TCF20: variants seen among roughly 807,000 people sequenced by gnomAD.
TCF20 encodes SPRE-binding protein.
TCF20 carries 3 observed loss-of-function variants against 148.6 expected under a neutral mutation model. The ratio of observed to expected loss-of-function variants is 0.02; its 90% CI spans 0.01 to 0.05. The LOEUF (loss-of-function observed/expected upper bound fraction) is 0.05. Ranked by LOEUF, TCF20 falls within the 10% of genes least tolerant of loss-of-function variation. The pLI is 1.00. For synonymous variants in TCF20, 1,049 were observed against 909.5 expected (o/e 1.15, Z -2.76); for missense variants, 2,350 against 2,429.3 (o/e 0.97, Z 0.69).
chr22:42,216,207 G>A (rs897828059), intron 1 of TCF20, among the ~76,000 whole-genome samples: 3 of 143,868 alleles, frequency 2.1e-5, no homozygotes, highest in Admixed American at 7.4e-5. Context: ...CTCCTGCCTC[G>A]GCCTCTCAAA....
chr22:42,234,877 C>T (rs1009791144), intron 1 of TCF20, among the ~76,000 whole-genome samples: 10 of 152,206 alleles, frequency 6.6e-5, no homozygotes, highest in Middle Eastern at 3.4e-3. Context: ...CAGTGGCTCA[C>T]GCCTGTAAAT....
intron 5 of TCF20, among the ~76,000 whole-genome samples, chr22:42,165,359 A>G (rs9611746): frequency 0.19 from 28,335 of 152,238 alleles, 3,065 homozygotes; most frequent in East Asian, 0.46. Flanking sequence ...GCCCTGATCA[A>G]GGTTATGCTT....
chr22:42,178,735 A>G (rs953097597), intron 3 of TCF20, among the ~76,000 whole-genome samples: 1 of 151,774 alleles, frequency 6.6e-6, no homozygotes, highest in African/African-American at 2.4e-5. Flanking sequence ...GGTGCGCGTC[A>G]CATCTGGCTA....
chr22:42,307,916 G>C (rs1008580612), intron 1 of TCF20, among the ~76,000 whole-genome samples: 1 of 152,212 alleles, frequency 6.6e-6, no homozygotes, highest in South Asian at 2.1e-4. Context: ...GAACTTCGAG[G>C]CACTGCTATC....
chr22:42,257,192 C>A (rs993497558), intron 1 of TCF20, among the ~76,000 whole-genome samples: 1 of 152,162 alleles, frequency 6.6e-6, no homozygotes, highest in Non-Finnish European at 1.5e-5. Context: ...AGGAGAAATA[C>A]CCAGCATTCC....
rs369312956 is a variant in TCF20 at position 42,214,050 on chromosome 22, C to G, written c.1256G>C (p.Ser419Thr). ...NRILQLMPQL[S>T]PTPSMMPSPN... ...ACTGGGCATCATTGATGGGGTTGGACTGAGTTGAGGCATTAACTGTAAAAT... is the reference window on the plus strand; with the variant it reads ...ACTGGGCATCATTGATGGGGTTGGAGTGAGTTGAGGCATTAACTGTAAAAT... The change falls in exon 2 of 6, where the codon AGT (serine) becomes ACT (threonine). Residue 419 changes from serine (S) to threonine (T), a missense_variant. Physicochemically the swap from Ser to Thr is moderately conservative, Grantham distance 58 (BLOSUM62 1). Transcript: ENST00000677622. The G allele has an allele frequency of 6.2e-7, 1 of 1,614,050 alleles. No homozygotes were observed. The highest frequency in any genetic ancestry group is 8.5e-7 in the Non-Finnish European group (1 of 1,180,040).
intron 3 of TCF20, among the ~76,000 whole-genome samples, chr22:42,176,523 T>A (rs905728222): frequency 6.6e-6 from 1 of 152,144 alleles, no homozygotes; most frequent in Non-Finnish European, 1.5e-5. Context: ...CCGCCTCCTA[T>A]GGACAGCGTG....
chr22:42,225,331 T>C (rs1922776593), intron 1 of TCF20, among the ~76,000 whole-genome samples: 1 of 151,794 alleles, frequency 6.6e-6, no homozygotes, highest in African/African-American at 2.4e-5. Flanking sequence ...TTACAACCCT[T>C]AGGCCGGGCG....
intron 1 of TCF20, among the ~76,000 whole-genome samples, chr22:42,257,369 A>G (rs530925006): frequency 1.2e-4 from 19 of 152,374 alleles, no homozygotes; most frequent in African/African-American, 4.3e-4. Flanking sequence ...CAACAAATCC[A>G]AATTCAACAT....
chr22:42,230,074 G>A (rs532853700), intron 1 of TCF20, among the ~76,000 whole-genome samples: 2 of 152,274 alleles, frequency 1.3e-5, no homozygotes, highest in Middle Eastern at 6.8e-3. Context: ...AACCTTCACT[G>A]GCTCCCAATT....
At chr22:42,320,254 C>T (rs2147049075) in intron 1 of TCF20, among the ~76,000 whole-genome samples, 1 of 152,322 alleles carries the variant, frequency 6.6e-6, no homozygotes, top group South Asian at 2.1e-4. Context: ...CTAAAATGCC[C>T]TTCCCAGAGA....
intron 2 of TCF20, among the ~76,000 whole-genome samples, chr22:42,207,132 A>G (rs1022722656): frequency 6.6e-6 from 1 of 152,188 alleles, no homozygotes; most frequent in Non-Finnish European, 1.5e-5. Flanking sequence ...GCATTAGCCC[A>G]AAGTTTCTAA....
At chr22:42,273,133 G>T (rs1926682542), upstream of TCF20, among the ~76,000 whole-genome samples, 1 of 151,796 alleles carries the variant, frequency 6.6e-6, no homozygotes, top group Non-Finnish European at 1.5e-5. Flanking sequence ...GCCAAGGGGG[G>T]TGTATCACCT....
chr22:42,189,156 A>G (rs1937201268), intron 2 of TCF20, among the ~76,000 whole-genome samples: 1 of 152,186 alleles, frequency 6.6e-6, no homozygotes. Flanking sequence ...TAGGGATGAT[A>G]TGGAAGAGTT....
chr22:42,198,629 G>C (rs888135679), intron 2 of TCF20, among the ~76,000 whole-genome samples: 19 of 150,724 alleles, frequency 1.3e-4, no homozygotes, highest in African/African-American at 4.2e-4. Context: ...GAAGAAAAAA[G>C]TCTGTATATA....
chr22:42,261,648 T>C (rs1926034131), intron 1 of TCF20, among the ~76,000 whole-genome samples: 1 of 152,100 alleles, frequency 6.6e-6, no homozygotes, highest in Non-Finnish European at 1.5e-5. Flanking sequence ...ACAAATATCC[T>C]GAAGGATGAG....
At chr22:42,169,046 T>A (rs994965308) in intron 4 of TCF20, among the ~76,000 whole-genome samples, 4 of 151,514 alleles carry the variant, frequency 2.6e-5, no homozygotes, top group African/African-American at 9.7e-5. Flanking sequence ...TCAGGAGCAT[T>A]TTGAGGGCAG....
At chr22:42,203,005 A>G (rs1385242345) in intron 2 of TCF20, among the ~76,000 whole-genome samples, 1 of 152,184 alleles carries the variant, frequency 6.6e-6, no homozygotes, top group Non-Finnish European at 1.5e-5. Flanking sequence ...GCTTTTACAT[A>G]CTATTTGCTG....
chr22:42,209,725 A>G lies in TCF20; in HGVS notation c.5581T>C (p.Trp1861Arg). The G allele has an allele frequency of 6.2e-7, 1 of 1,614,220 alleles. No individual in the cohort carries two copies. The highest frequency in any genetic ancestry group is 8.5e-7 in the Non-Finnish European group (1 of 1,180,038). Reference protein sequence around the residue: ...EFWVHEGCILWANGIYLVCGR... With the variant: ...EFWVHEGCILRANGIYLVCGR... ...CAAACCAGGTAGATTCCATTGGCCC[A>G]GAGAATACAACCCTCATGGACCCAA... The change falls in exon 2 of 6, where the codon TGG becomes CGG. Residue 1861 changes from tryptophan to arginine, a missense_variant. This residue lies in a region of TCF20 where 374 missense variants were observed against 398.3 expected (regional missense o/e 0.94). Transcript: ENST00000677622.
Sources: allele counts gnomAD v4.1 joint callset (sites outside exome capture counted in the v4.1 genomes callset), GRCh38; gene constraint gnomAD v4.1.1; regional missense constraint gnomAD v4.1.1; transcripts MANE v1.5; gene names NCBI Gene and HGNC (gene_info 2026-07-23, HGNC 2026-07-21).